The following CNTN1 variants were observed in gnomAD, a reference collection of about 807,000 sequenced individuals.
CNTN1 encodes contactin-1.
In CNTN1, 38 loss-of-function variants were observed where a neutral mutation model predicts 126.4. The ratio of observed to expected loss-of-function variants is 0.30; its 90% CI spans 0.23 to 0.39. CNTN1 has a LOEUF of 0.39. Among genes scored for constraint, CNTN1 ranks in the 10% least tolerant of loss-of-function variants. CNTN1 has a pLI of 1.00. For synonymous variants in CNTN1, 413 were observed against 422.6 expected, an observed-to-expected ratio of 0.98 and a Z score of 0.28; for missense variants, 1,009 against 1,248.4, an observed-to-expected ratio of 0.81 and a Z score of 2.89.
In CNTN1 at chr12:40,767,401, C is replaced by T. The variant is rs547673733; in HGVS notation, c.-77+74809C>T. Among the ~76,000 whole-genome samples, 10 of 149,678 alleles carry T rather than the reference C, an allele frequency of 6.7e-5. No individual in the cohort carries two copies. The East Asian group carries it at 1.4e-3, about 21-fold the overall frequency. On this transcript the variant is annotated intron_variant, in intron 1 of 23. Transcript: ENST00000551295. ...TCGGCTCACTGCAAGCTCTGCCTCC[C>T]GGGTTCACCCCATTCTCCTGCCCCA...
chr12:40,915,092 C>G (rs1268970143), intron 3 of CNTN1, among the ~76,000 whole-genome samples: 1 of 151,886 alleles, frequency 6.6e-6, no homozygotes, highest in Non-Finnish European at 1.5e-5. Context: ...TGAAAGCTGA[C>G]CAACTTTTAT....
chr12:41,010,135 G>A (rs1231189782), intron 17 of CNTN1, among the ~76,000 whole-genome samples: 2 of 152,086 alleles, frequency 1.3e-5, no homozygotes, highest in Non-Finnish European at 2.9e-5. Context: ...TGGCTCTAGT[G>A]TTCACAAGGA....
chr12:40,731,361 A>C (rs545278387), intron 1 of CNTN1, among the ~76,000 whole-genome samples: 2 of 152,000 alleles, frequency 1.3e-5, no homozygotes, highest in African/African-American at 2.4e-5. Context: ...CTTTTTAGTA[A>C]ACCATAAATG....
intron 1 of CNTN1, among the ~76,000 whole-genome samples, chr12:40,755,384 G>A (rs1198342963): frequency 6.7e-6 from 1 of 150,356 alleles, no homozygotes; most frequent in Non-Finnish European, 1.5e-5. Flanking sequence ...GTGTTGATAG[G>A]AATTAACAAT....
chr12:41,066,877 A>G (rs1241147618), intron 23 of CNTN1, among the ~76,000 whole-genome samples: 2 of 152,252 alleles, frequency 1.3e-5, no homozygotes, highest in African/African-American at 4.8e-5. Context: ...GAAGAGATAT[A>G]GTACTCCAAA....
At chr12:40,923,251 A>G (rs1236087402) in intron 5 of CNTN1, among the ~76,000 whole-genome samples, 4 of 152,156 alleles carry the variant, frequency 2.6e-5, no homozygotes, top group Admixed American at 6.5e-5. Context: ...CTAATAATGA[A>G]AAACTGTGCT....
intron 23 of CNTN1, among the ~76,000 whole-genome samples, chr12:41,066,463 G>A (rs61924413): frequency 0.019 from 2,866 of 152,240 alleles, 40 homozygotes; most frequent in Non-Finnish European, 0.031. Context: ...AACATTATAG[G>A]TTGAGTACTT....
At chr12:40,906,249 C>T (rs1442332063) in intron 1 of CNTN1, among the ~76,000 whole-genome samples, 1 of 152,026 alleles carries the variant, frequency 6.6e-6, no homozygotes, top group Non-Finnish European at 1.5e-5. Context: ...CCAGACTGGG[C>T]GACAGAGAGA....
intron 1 of CNTN1, among the ~76,000 whole-genome samples, chr12:40,781,902 A>T (rs147940408): frequency 6.6e-6 from 1 of 152,058 alleles, no homozygotes; most frequent in East Asian, 1.9e-4. Context: ...TTTAGAATAC[A>T]ATGTTAATTA....
At chr12:40,810,539 TCCA>T (rs898215488) in intron 1 of CNTN1, among the ~76,000 whole-genome samples, 2 of 152,224 alleles carry the variant, frequency 1.3e-5, no homozygotes, top group Admixed American at 1.3e-4. Context: ...TCTCCCCATT[TCCA>T]CCACACCCTA....
intron 1 of CNTN1, among the ~76,000 whole-genome samples, chr12:40,707,029 TGC>T (rs1321108166): frequency 7.0e-6 from 1 of 142,630 alleles, no homozygotes; most frequent in African/African-American, 2.6e-5. Flanking sequence ...TATAAAGACG[TGC>T]GCGCGCGCGC....
At chr12:40,979,147 G>T (rs2137063255) in intron 15 of CNTN1, 1 of 152,220 alleles carries the variant, frequency 6.6e-6, no homozygotes, top group South Asian at 2.1e-4. Context: ...TTAACATTAA[G>T]AAGTCTAAGT....
intron 1 of CNTN1, among the ~76,000 whole-genome samples, chr12:40,719,934 T>C (rs1401706004): frequency 6.6e-6 from 1 of 151,760 alleles, no homozygotes; most frequent in Non-Finnish European, 1.5e-5. Flanking sequence ...GCCTCCTGGG[T>C]TCAAGCAATT....
At chr12:40,760,788 C>T (rs1054486792) in intron 1 of CNTN1, among the ~76,000 whole-genome samples, 1 of 151,382 alleles carries the variant, frequency 6.6e-6, no homozygotes, top group Non-Finnish European at 1.5e-5. Flanking sequence ...GTGACAACTT[C>T]AAAAAATAAA....
At chr12:41,023,854 TTTA>T (rs1423705084) in intron 20 of CNTN1, among the ~76,000 whole-genome samples, 1 of 152,186 alleles carries the variant, frequency 6.6e-6, no homozygotes, top group African/African-American at 2.4e-5. Context: ...AGAAAGGTTG[TTTA>T]TTATTGTTGT....
At chr12:40,902,381 T>C (rs1486235706) in intron 1 of CNTN1, among the ~76,000 whole-genome samples, 5 of 152,200 alleles carry the variant, frequency 3.3e-5, no homozygotes, top group African/African-American at 1.2e-4. Context: ...GAGATATTGG[T>C]GTCTTTTTGT....
intron 23 of CNTN1, among the ~76,000 whole-genome samples, chr12:41,042,855 A>G (rs1210056625): frequency 3.3e-5 from 5 of 152,158 alleles, no homozygotes; most frequent in Non-Finnish European, 7.4e-5. Flanking sequence ...GCATATCTAC[A>G]ACTATCTGAT....
At chr12:40,860,310 T>C (rs932097422) in intron 1 of CNTN1, among the ~76,000 whole-genome samples, 1 of 152,188 alleles carries the variant, frequency 6.6e-6, no homozygotes, top group Non-Finnish European at 1.5e-5. Flanking sequence ...TAAGGTCTGG[T>C]GCAATATGTG....
At chr12:40,865,057 T>C (rs1943251943) in intron 1 of CNTN1, among the ~76,000 whole-genome samples, 1 of 152,178 alleles carries the variant, frequency 6.6e-6, no homozygotes, top group Non-Finnish European at 1.5e-5. Flanking sequence ...TAGTTTATTG[T>C]GGGTTTGATT....
Sources: gnomAD v4.1 joint callset for allele counts (sites outside exome capture counted in the v4.1 genomes callset) on GRCh38, gnomAD v4.1.1 for gene constraint, MANE v1.5 for transcripts, NCBI Gene and HGNC (gene_info 2026-07-23, HGNC 2026-07-21) for gene names.